NHSL2: variants seen among roughly 807,000 people sequenced by gnomAD.
NHSL2 encodes NHS-like protein 2.
Under a neutral mutation model 53.4 loss-of-function variants are expected in NHSL2, and 27 were observed. The observed-to-expected ratio is 0.51, with a 90% CI of 0.37 to 0.70. The LOEUF (loss-of-function observed/expected upper bound fraction) is 0.70. NHSL2 is among the 30% of genes least tolerant of loss of function. NHSL2 has a pLI of 0.00. For synonymous variants in NHSL2, 408 were observed against 404.1 expected (o/e 1.01, Z -0.12); for missense variants, 892 against 980.1 (o/e 0.91, Z 1.20).
intron 1 of NHSL2, among the ~76,000 whole-genome samples, chrX:71,963,975 A>ACATATATATATG (rs2041882022): frequency 5.7e-5 from 1 of 17,613 alleles, no homozygotes; most frequent in East Asian, 2.7e-3. Context: ...ATATATATAC[A>ACATATATATATG]TATATATATA....
chrX:71,932,451 C>G (rs1403842803), intron 1 of NHSL2, among the ~76,000 whole-genome samples: 1 of 111,075 alleles, frequency 9.0e-6, no homozygotes, highest in Non-Finnish European at 1.9e-5. Context: ...AATGCTCACT[C>G]TGGCTGCTGT....
intron 1 of NHSL2, among the ~76,000 whole-genome samples, chrX:72,003,142 C>T (rs2042079188): frequency 9.0e-6 from 1 of 110,610 alleles, no homozygotes; most frequent in Non-Finnish European, 1.9e-5. Context: ...GCCAAAGACT[C>T]CCACTGAAGC....
intron 1 of NHSL2, among the ~76,000 whole-genome samples, chrX:71,995,972 A>T (rs66742468): frequency 0.26 from 28,578 of 111,036 alleles, 4,368 homozygotes; most frequent in African/African-American, 0.57. Flanking sequence ...TCTCAGGGCC[A>T]TGTGATCTGG....
chrX:72,068,642 G>C (rs1343352975), intron 1 of NHSL2, among the ~76,000 whole-genome samples: 1 of 89,300 alleles, frequency 1.1e-5, no homozygotes, highest in East Asian at 3.4e-4. Context: ...GGCTGCGTAA[G>C]TGTGTCCGTG....
chrX:72,067,167 CGCTTCAAGAAGG>C (rs1377152264), intron 1 of NHSL2, among the ~76,000 whole-genome samples: 1 of 110,669 alleles, frequency 9.0e-6, no homozygotes, highest in Non-Finnish European at 1.9e-5. Context: ...ACAAACAAAC[CGCTTCAAGAAGG>C]GCTTCTGTAG....
rs745450735 is a variant in NHSL2 at position 72,131,301 on chromosome X, G to A, written c.281-778G>A. 17 of 1,196,521 alleles carry A rather than the reference G, an allele frequency of 1.4e-5. No homozygotes were observed. The African/African-American group carries it at 2.5e-4, about 18-fold the overall frequency. The stretch of plus-strand genomic sequence containing the variant: ...GGCACAAGAAGGGCAGTTCTCCCCC[G>A]GGAATGACTTCGATCTCACTGAGCG... On this transcript the variant is annotated intron_variant, in intron 1 of 7. Transcript: ENST00000633930.
chrX:72,131,731 C>A, intron 1 of NHSL2: 1 of 326,720 alleles, frequency 3.1e-6, no homozygotes, highest in Non-Finnish European at 5.0e-6. Context: ...GAGGGCCCGG[C>A]GGCTCGGCCC....
chrX:72,014,294 T>C (rs775581170), intron 1 of NHSL2, among the ~76,000 whole-genome samples: 7 of 112,296 alleles, frequency 6.2e-5, no homozygotes, highest in Non-Finnish European at 1.1e-4. Context: ...TTATTTATGC[T>C]GTTATTTTTA....
At chrX:72,102,883 T>A (rs921106740) in intron 1 of NHSL2, among the ~76,000 whole-genome samples, 6 of 111,614 alleles carry the variant, frequency 5.4e-5, no homozygotes, top group Non-Finnish European at 1.1e-4. Flanking sequence ...GCAATGGAGG[T>A]GAACACCAGG....
At chrX:72,004,250 C>T (rs186620465) in intron 1 of NHSL2, among the ~76,000 whole-genome samples, 38 of 112,146 alleles carry the variant, frequency 3.4e-4, no homozygotes, top group Admixed American at 9.4e-4. Flanking sequence ...AGATCTGGAA[C>T]GGAGACTTGC....
chrX:72,032,984 T>C (rs770064768), intron 1 of NHSL2, among the ~76,000 whole-genome samples: 1 of 112,485 alleles, frequency 8.9e-6, no homozygotes, highest in South Asian at 3.6e-4. Context: ...TGTTGATGAG[T>C]GTAGCTCTAT....
chrX:71,983,129 T>G lies in NHSL2; in HGVS notation c.280+71762T>G, dbSNP rs765519516. Among the ~76,000 whole-genome samples, 11 of 111,593 alleles carry G rather than the reference T, an allele frequency of 9.9e-5. No individual in the cohort carries two copies. The South Asian group carries it at 4.2e-3, about 42-fold the overall frequency. On this transcript the variant is annotated intron_variant, in intron 1 of 7. Transcript: ENST00000633930. ...AAATCCCACACATTTGGTTACAGAA[T>G]TTTCTGTGTTGATTGTTGTTGTGGT...
chrX:72,036,330 T>C (rs1474284954), intron 1 of NHSL2, among the ~76,000 whole-genome samples: 1 of 112,581 alleles, frequency 8.9e-6, no homozygotes, highest in East Asian at 2.8e-4. Flanking sequence ...CTGGCCTCCA[T>C]GGTTTCTGAT....
chrX:72,054,558 A>G (rs1194462508), intron 1 of NHSL2, among the ~76,000 whole-genome samples: 1 of 112,237 alleles, frequency 8.9e-6, no homozygotes, highest in Non-Finnish European at 1.9e-5. Context: ...AGCTCTTTAT[A>G]TAGTAAAGAT....
At chrX:72,004,370 G>A (rs964161849) in intron 1 of NHSL2, among the ~76,000 whole-genome samples, 4 of 112,051 alleles carry the variant, frequency 3.6e-5, no homozygotes, top group Admixed American at 9.4e-5. Context: ...CACCCACACC[G>A]TGAGCTGCTG....
At chrX:72,132,259 GCCGGAGC>G in intron 2 of NHSL2, 25 bp downstream of exon 2, 1 of 1,138,999 alleles carries the variant, frequency 8.8e-7, no homozygotes, top group Non-Finnish European at 1.2e-6. Context: ...GGGGGCTGCG[GCCGGAGC>G]CCAGAAGCGA....
rs1012597418 is a variant in NHSL2 at position 72,137,234 on chromosome X, A to G, written c.892+9A>G. 6.1e-6 allele frequency: 7 copies of G among 1,156,882 alleles called. No homozygotes were observed. The highest frequency in any genetic ancestry group is 1.8e-5 in the African/African-American group (1 of 55,301). On this transcript the variant is annotated intron_variant, in intron 5 of 7. Coordinates refer to ENST00000633930, the MANE Select transcript of NHSL2 (RefSeq NM_001013627.3). ...TTCCCAGCGAGACCAAGGTGACCCC[A>G]CCACAGCTGATTCCCCAGTCCCTTC...
intron 1 of NHSL2, among the ~76,000 whole-genome samples, chrX:71,963,983 A>ATGTGTGTG (rs1331116752): frequency 3.1e-5 from 2 of 65,377 alleles, no homozygotes; most frequent in Non-Finnish European, 5.1e-5. Flanking sequence ...ACATATATAT[A>ATGTGTGTG]TATATATATG....
chrX:72,130,479 C>G, intron 1 of NHSL2: 3 of 1,210,868 alleles, frequency 2.5e-6, no homozygotes, highest in Non-Finnish European at 3.4e-6. Flanking sequence ...GAAGCCTGTG[C>G]CTGCGTGCCT....
Sources: allele counts gnomAD v4.1 joint callset (sites outside exome capture counted in the v4.1 genomes callset), GRCh38; gene constraint gnomAD v4.1.1; transcripts MANE v1.5; gene names NCBI Gene and HGNC (gene_info 2026-07-23, HGNC 2026-07-21).